Variants in PDE3B observed in about 807,000 individuals in gnomAD.
The protein encoded by PDE3B is phosphodiesterase 3B, also known as cGMP-inhibited 3',5'-cyclic phosphodiesterase 3B.
In PDE3B, 66 loss-of-function variants were observed where a neutral mutation model predicts 116.8. The observed-to-expected ratio is 0.56, with a 90% CI of 0.46 to 0.69. The LOEUF (loss-of-function observed/expected upper bound fraction) is 0.69, where lower values mean the gene tolerates loss of function less well. Ranked by LOEUF, PDE3B falls within the 30% of genes least tolerant of loss-of-function variation. PDE3B has a pLI of 0.00. For missense variants in PDE3B, 1,384 were observed against 1,368.1 expected, an observed-to-expected ratio of 1.01 and a Z score of -0.18; for synonymous variants, 595 against 533.6, an observed-to-expected ratio of 1.12 and a Z score of -1.59.
chr11:14,864,670 G>C (rs921726377), intron 14 of PDE3B, among the ~76,000 whole-genome samples: 3 of 152,276 alleles, frequency 2.0e-5, no homozygotes, highest in Admixed American at 2.0e-4. Flanking sequence ...CAATGACATG[G>C]AAACTGAACA....
chr11:14,651,064 A>G (rs934137260), intron 1 of PDE3B, among the ~76,000 whole-genome samples: 2 of 152,148 alleles, frequency 1.3e-5, no homozygotes, highest in Admixed American at 6.5e-5. Context: ...GCAGAAATGA[A>G]TTGTCTCAAG....
chr11:14,830,665 C>T (rs1467254444), intron 7 of PDE3B, 33 bp from the exon 8 acceptor site: 1 of 1,039,378 alleles, frequency 9.6e-7, no homozygotes, highest in Non-Finnish European at 1.3e-6. Flanking sequence ...GCACATTTTA[C>T]TCCTATATAT....
At chr11:14,789,016 T>A in intron 3 of PDE3B, 90 bp from the exon 4 acceptor site, 1 of 868,560 alleles carries the variant, frequency 1.2e-6, no homozygotes, top group Non-Finnish European at 1.7e-6. Flanking sequence ...AAATATACTT[T>A]GTATTGATAC....
At chr11:14,822,717 GC>G (rs1304580676) in intron 7 of PDE3B, among the ~76,000 whole-genome samples, 1 of 152,178 alleles carries the variant, frequency 6.6e-6, no homozygotes, top group Admixed American at 6.5e-5. Flanking sequence ...GGGTTTCTAG[GC>G]AAAAGCAGCT....
Position 14,644,917 on chromosome 11 carries a change from C to T in PDE3B, c.842C>T (p.Ala281Val). The T allele has an allele frequency of 6.2e-7, 1 of 1,614,152 alleles. No individual in the cohort carries two copies. Among genetic ancestry groups the T allele is most frequent in the Non-Finnish European group, 8.5e-7 (1 of 1,180,036 alleles). ...CCTCTTCATCCTCGACTGTCCAGTG[C>T]CGCCGAAGAAAAAGTGCCTGTGATC... Reference protein sequence around the residue: ...EAPLHPRLSSAAEEKVPVIRP... With the variant: ...EAPLHPRLSSVAEEKVPVIRP... The change falls in exon 1 of 16, where the codon GCC (alanine) becomes GTC (valine). Residue 281 changes from alanine (A) to valine (V), a missense_variant. Physicochemically the swap from Ala to Val is moderately conservative, Grantham distance 64 (BLOSUM62 0). Coordinates refer to ENST00000282096, the MANE Select transcript of PDE3B (RefSeq NM_000922.4).
chr11:14,855,632 A>G (rs1847834832), intron 12 of PDE3B, among the ~76,000 whole-genome samples: 1 of 152,174 alleles, frequency 6.6e-6, no homozygotes, highest in Admixed American at 6.5e-5. Context: ...AAATACATAA[A>G]TAATGTGTGT....
the PDE3B span, among the ~76,000 whole-genome samples, chr11:14,884,168 A>T: frequency 6.6e-6 from 1 of 151,992 alleles, no homozygotes; most frequent in African/African-American, 2.4e-5. Context: ...TGACCCTGCC[A>T]TCCCATTACT....
chr11:14,881,961 G>A, the PDE3B span, among the ~76,000 whole-genome samples: 1 of 152,036 alleles, frequency 6.6e-6, no homozygotes, highest in Admixed American at 6.6e-5. Flanking sequence ...TTGTGTACAT[G>A]AGGTACACAC....
At chr11:14,692,997 G>A (rs886362565) in intron 1 of PDE3B, among the ~76,000 whole-genome samples, 2 of 152,146 alleles carry the variant, frequency 1.3e-5, no homozygotes, top group Non-Finnish European at 2.9e-5. Context: ...AATTAAAAGC[G>A]CTTCTCCAGT....
intron 5 of PDE3B, among the ~76,000 whole-genome samples, chr11:14,811,428 T>A (rs973630984): frequency 5.9e-5 from 9 of 152,220 alleles, no homozygotes; most frequent in Admixed American, 5.9e-4. Flanking sequence ...TAGGGAATCC[T>A]TTCCCCATTG....
downstream of PDE3B, among the ~76,000 whole-genome samples, chr11:14,875,224 T>C (rs1555009554): frequency 2.0e-5 from 3 of 152,172 alleles, no homozygotes; most frequent in Non-Finnish European, 4.4e-5. Flanking sequence ...TCTCCATAGC[T>C]ATCCCGTGAA....
chr11:14,652,761 A>G (rs1853604874), intron 1 of PDE3B, among the ~76,000 whole-genome samples: 1 of 152,212 alleles, frequency 6.6e-6, no homozygotes, highest in Non-Finnish European at 1.5e-5. Flanking sequence ...TAGATACCTC[A>G]TATAAGTGGA....
At chr11:14,891,824 C>T in the PDE3B span, 2 of 970,094 alleles carry the variant, frequency 2.1e-6, no homozygotes, top group Non-Finnish European at 2.5e-6. Context: ...CTTCTCCCTT[C>T]CAGACCCGGG....
intron 7 of PDE3B, among the ~76,000 whole-genome samples, chr11:14,821,393 C>A (rs1478827134): frequency 6.6e-6 from 1 of 152,126 alleles, no homozygotes; most frequent in African/African-American, 2.4e-5. Flanking sequence ...GAATACATTT[C>A]AGAAAAGTGT....
intron 7 of PDE3B, among the ~76,000 whole-genome samples, chr11:14,824,670 A>G (rs1859631440): frequency 6.6e-6 from 1 of 152,240 alleles, no homozygotes; most frequent in Non-Finnish European, 1.5e-5. Context: ...CATCATTGAC[A>G]TCCCTGACAG....
Position 14,644,556 on chromosome 11 carries a change from T to C in PDE3B, c.481T>C (p.Cys161Arg). The C allele has an allele frequency of 6.3e-7, 1 of 1,599,096 alleles. No individual in the cohort carries two copies. Among genetic ancestry groups the C allele is most frequent in the Non-Finnish European group, 8.5e-7 (1 of 1,172,980 alleles). The stretch of plus-strand genomic sequence containing the variant: ...GTGGCTGCTGGCGCTGCCCGCCTGC[T>C]GTTACCTGGGGGACTTCTTGGTGTG... ...SWWLLALPAC[C>R]YLGDFLVWQW... Residue 161 changes from cysteine (C) to arginine (R), a missense_variant, in exon 1 of 16, where the codon TGT becomes CGT. Physicochemically the swap from Cys to Arg is radical, Grantham distance 180 (BLOSUM62 -3). Around this residue, in one of 2 missense-constraint regions of PDE3B, gnomAD observed 956 missense variants for 806.8 expected, o/e 1.18. Transcript: ENST00000282096.
the PDE3B span, chr11:14,890,770 G>C: frequency 1.5e-6 from 1 of 668,530 alleles, no homozygotes; most frequent in Non-Finnish European, 1.8e-6. Flanking sequence ...CGACGGTCTC[G>C]ATCTCCTGAT....
At chr11:14,683,393 G>T (rs913293235) in intron 1 of PDE3B, among the ~76,000 whole-genome samples, 16 of 151,944 alleles carry the variant, frequency 1.1e-4, no homozygotes, top group Non-Finnish European at 2.2e-4. Flanking sequence ...CTCATCATTG[G>T]TGAGCTTTGG....
At chr11:14,711,964 A>G (rs779309096) in intron 1 of PDE3B, among the ~76,000 whole-genome samples, 5 of 152,236 alleles carry the variant, frequency 3.3e-5, no homozygotes, top group Non-Finnish European at 4.4e-5. Context: ...TACCTAAAGT[A>G]GTACAAATAA....
Sources: gnomAD v4.1 joint callset for allele counts (sites outside exome capture counted in the v4.1 genomes callset) on GRCh38, gnomAD v4.1.1 for gene constraint, gnomAD v4.1.1 regional missense constraint, MANE v1.5 for transcripts, NCBI Gene and HGNC (gene_info 2026-07-23, HGNC 2026-07-21) for gene names.